Variants in APBB2 observed in about 807,000 individuals in gnomAD.
The protein encoded by APBB2 is Fe65-like 1.
Under a neutral mutation model 82.5 loss-of-function variants are expected in APBB2, and 38 were observed. The ratio of observed to expected loss-of-function variants is 0.46; its 90% CI spans 0.36 to 0.60. APBB2 has a LOEUF of 0.60. Among genes scored for constraint, APBB2 ranks in the 20% least tolerant of loss-of-function variants. The pLI is 0.00. For missense variants in APBB2, 772 were observed against 972.3 expected (o/e 0.79, Z 2.74); for synonymous variants, 341 against 368.2 (o/e 0.93, Z 0.85).
intron 6 of APBB2, among the ~76,000 whole-genome samples, chr4:40,986,086 C>A (rs1022274258): frequency 6.6e-6 from 1 of 152,180 alleles, no homozygotes; most frequent in African/African-American, 2.4e-5. Context: ...CCTGACCACA[C>A]AAGAAAGCCA....
At chr4:40,980,168 G>A (rs1200023609) in intron 6 of APBB2, among the ~76,000 whole-genome samples, 1 of 152,018 alleles carries the variant, frequency 6.6e-6, no homozygotes, top group Non-Finnish European at 1.5e-5. Context: ...GACTACAGGC[G>A]CACGCTGCCA....
intron 12 of APBB2, chr4:40,881,534 C>CTTTTTTTTTTTTTTTTTTTTTTTCTT (rs71198611): frequency 6.9e-6 from 1 of 145,072 alleles, no homozygotes; most frequent in Non-Finnish European, 1.2e-5. Context: ...TTTTCTTTTT[C>CTTTTTTTTTTTTTTTTTTTTTTTCTT]TTTTTTTTTT....
At chr4:40,925,532 G>C (rs1371583374) in intron 10 of APBB2, among the ~76,000 whole-genome samples, 1 of 152,004 alleles carries the variant, frequency 6.6e-6, no homozygotes, top group Non-Finnish European at 1.5e-5. Flanking sequence ...TGCTCCTTTC[G>C]CACTTAGCAT....
At chr4:41,076,426 G>A (rs947702154) in intron 3 of APBB2, among the ~76,000 whole-genome samples, 1 of 152,148 alleles carries the variant, frequency 6.6e-6, no homozygotes, top group Non-Finnish European at 1.5e-5. Flanking sequence ...GGGACACTAG[G>A]AACAGTGACC....
At chr4:40,915,079 A>C (rs947150338) in intron 10 of APBB2, among the ~76,000 whole-genome samples, 1 of 152,204 alleles carries the variant, frequency 6.6e-6, no homozygotes, top group Non-Finnish European at 1.5e-5. Context: ...AATACCTCTC[A>C]AACACTTTAT....
chr4:41,201,322 A>T (rs555575113), intron 1 of APBB2, among the ~76,000 whole-genome samples: 2 of 152,314 alleles, frequency 1.3e-5, no homozygotes, highest in African/African-American at 4.8e-5. Flanking sequence ...AATAAAAGGG[A>T]GGGGAGACAG....
chr4:40,969,625 A>G (rs1343445607), intron 6 of APBB2, among the ~76,000 whole-genome samples: 1 of 152,228 alleles, frequency 6.6e-6, no homozygotes, highest in Non-Finnish European at 1.5e-5. Context: ...TGCTATCAAT[A>G]TAAATCAGTG....
intron 6 of APBB2, among the ~76,000 whole-genome samples, chr4:40,948,997 G>A (rs1332256581): frequency 1.3e-5 from 2 of 151,768 alleles, no homozygotes; most frequent in African/African-American, 2.4e-5. Context: ...TGGGGAAGAA[G>A]GCCAGGCACG....
Position 41,033,233 on chromosome 4 carries a change from G to A in APBB2, c.19+3C>T, listed in dbSNP as rs757530781. On this transcript the variant is annotated splice_donor_region_variant and intron_variant, in intron 5 of 17. Coordinates refer to ENST00000508593, the MANE Select transcript of APBB2 (RefSeq NM_004307.2). ...CATTGAAATATGAGAAAATGTATCT[G>A]ACCTGGAAGTACTTCTGACATGGAT... 3.6e-5 allele frequency: 57 copies of A among 1,569,962 alleles called. No homozygotes were observed. In the Admixed American group the frequency reaches 9.5e-4, roughly 26 times the overall value.
intron 4 of APBB2, among the ~76,000 whole-genome samples, chr4:41,054,589 C>T (rs566428846): frequency 1.3e-5 from 2 of 152,290 alleles, no homozygotes; most frequent in Admixed American, 1.3e-4. Flanking sequence ...AAAGCATCCA[C>T]TACCTATAAA....
Position 41,144,109 on chromosome 4 carries a change from T to C in APBB2, c.-416-967A>G, listed in dbSNP as rs560889189. 2.6e-5 allele frequency among the ~76,000 whole-genome samples: 4 copies of C among 152,354 alleles called. No homozygotes were observed. In the South Asian group the frequency reaches 6.2e-4, roughly 24 times the overall value. ...CATTTGTTAATTATAGTAACAGTTA[T>C]GACGACATCTGTATATGCCAAATAT... On this transcript the variant is annotated intron_variant, in intron 1 of 17. Transcript: ENST00000508593.
chr4:41,168,628 T>A (rs550909377), intron 1 of APBB2, among the ~76,000 whole-genome samples: 7 of 152,168 alleles, frequency 4.6e-5, no homozygotes, highest in Non-Finnish European at 1.0e-4. Flanking sequence ...TATAGAAATT[T>A]AAAAAAGAAA....
At chr4:41,207,442 T>C (rs1413080543) in intron 1 of APBB2, among the ~76,000 whole-genome samples, 1 of 152,116 alleles carries the variant, frequency 6.6e-6, no homozygotes, top group African/African-American at 2.4e-5. Context: ...CACCATTTCC[T>C]AGAATCACTA....
rs1239222488 is a variant in APBB2, at chr4:40,823,598, A to C, written c.1932+46T>G. The C allele has an allele frequency of 2.2e-6, 3 of 1,346,986 alleles. No individual in the cohort carries two copies. The South Asian group carries it at 3.5e-5, about 16-fold the overall frequency. The allele number at this position is 1,346,986 out of a possible 1,614,324, so 83.4% of individuals were successfully genotyped here. A position where few individuals can be genotyped will look rare whatever the true frequency, so the allele number is the denominator to read the frequency against. ...TCCACAGAAAACCACTGTATCTTAT[A>C]CTCACTGTATAAGACACACCAATGT... On this transcript the variant is annotated intron_variant, in intron 16 of 17. Transcript: ENST00000508593.
At chr4:41,102,820 T>G (rs1281534306) in intron 2 of APBB2, among the ~76,000 whole-genome samples, 1 of 152,240 alleles carries the variant, frequency 6.6e-6, no homozygotes, top group Non-Finnish European at 1.5e-5. Context: ...ATTGCACTAT[T>G]TATGTATTTA....
intron 3 of APBB2, among the ~76,000 whole-genome samples, chr4:41,081,926 C>A (rs531397526): frequency 1.3e-5 from 2 of 152,272 alleles, no homozygotes; most frequent in East Asian, 3.9e-4. Flanking sequence ...GTCAAATGAA[C>A]TACCGATACT....
At chr4:40,881,364 AT>A in intron 12 of APBB2, 1 of 985,026 alleles carries the variant, frequency 1.0e-6, no homozygotes, top group Non-Finnish European at 1.2e-6. Context: ...CCCCTACTAG[AT>A]GTCATCAGGA....
chr4:41,200,431 T>C (rs1268973830), intron 1 of APBB2, among the ~76,000 whole-genome samples: 1 of 152,150 alleles, frequency 6.6e-6, no homozygotes, highest in Admixed American at 6.5e-5. Flanking sequence ...ACTATTAACA[T>C]GGAATAATTT....
chr4:41,122,784 G>C (rs534584401), intron 2 of APBB2, among the ~76,000 whole-genome samples: 2 of 152,176 alleles, frequency 1.3e-5, no homozygotes, highest in African/African-American at 2.4e-5. Context: ...TTAGTTCTTT[G>C]CTCAAAGCCT....
Sources: gnomAD v4.1 joint callset for allele counts (sites outside exome capture counted in the v4.1 genomes callset) on GRCh38, gnomAD v4.1.1 for gene constraint, MANE v1.5 for transcripts, NCBI Gene and HGNC (gene_info 2026-07-23, HGNC 2026-07-21) for gene names.